HCN1: variants seen among roughly 807,000 people sequenced by gnomAD.
The protein encoded by HCN1 is potassium/sodium hyperpolarization-activated cyclic nucleotide-gated channel 1.
HCN1 carries 13 observed loss-of-function variants against 78.9 expected under a neutral mutation model. That is an observed-to-expected ratio of 0.16 (90% CI 0.11 to 0.26). HCN1 has a LOEUF of 0.26. Ranked by LOEUF, HCN1 falls within the 10% of genes least tolerant of loss-of-function variation. The pLI is 1.00. For synonymous variants in HCN1, 552 were observed against 455.5 expected (o/e 1.21, Z -2.70); for missense variants, 810 against 1,154.3 (o/e 0.70, Z 4.32).
chr5:45,598,063 T>C (rs908438671), intron 2 of HCN1, among the ~76,000 whole-genome samples: 12 of 152,044 alleles, frequency 7.9e-5, no homozygotes, highest in African/African-American at 2.9e-4. Context: ...GGAAAAAAAC[T>C]ACTTTAAAGC....
chr5:45,546,382 CA>C (rs1743227981), intron 2 of HCN1, among the ~76,000 whole-genome samples: 1 of 151,820 alleles, frequency 6.6e-6, no homozygotes, highest in African/African-American at 2.4e-5. Flanking sequence ...TTAAATGTTG[CA>C]AATGCTTTAT....
chr5:45,377,887 GA>G (rs990567302), intron 4 of HCN1, among the ~76,000 whole-genome samples: 6 of 151,922 alleles, frequency 3.9e-5, no homozygotes, highest in African/African-American at 1.4e-4. Context: ...CATAAGCCCT[GA>G]AAGTTATTTA....
rs372080697 is a variant in HCN1, at chr5:45,593,291, TTC to T, written c.849+51892_849+51893del. Among the ~76,000 whole-genome samples the T allele has an allele frequency of 4.8e-3, 599 of 124,422 alleles. 1 individual carries two copies. The highest frequency in any genetic ancestry group is 0.011 in the African/African-American group (323 of 30,558). The allele number at this position is 124,422 out of a possible 152,430, so 81.6% of individuals were successfully genotyped here. ...ATCCAGAGACAAAGGTAGAGGTATATTCTCTCTCTCTCTCTCTCTCTCTCTCT... is the reference window on the plus strand; with the variant it reads ...ATCCAGAGACAAAGGTAGAGGTATATTCTCTCTCTCTCTCTCTCTCTCTCT... On this transcript the variant is annotated intron_variant, in intron 2 of 7. Transcript: ENST00000303230.
chr5:45,535,973 C>A (rs1028062436), intron 2 of HCN1, among the ~76,000 whole-genome samples: 1 of 152,100 alleles, frequency 6.6e-6, no homozygotes, highest in Non-Finnish European at 1.5e-5. Context: ...TCTATGGATA[C>A]AGAATTCTGG....
At chr5:45,280,470 G>C (rs138585847) in intron 6 of HCN1, among the ~76,000 whole-genome samples, 71 of 152,206 alleles carry the variant, frequency 4.7e-4, no homozygotes, top group African/African-American at 1.7e-3. Flanking sequence ...TGACATTTTG[G>C]GCCAGATAAT....
intron 2 of HCN1, chr5:45,643,926 C>G (rs1745500654): frequency 6.6e-6 from 1 of 152,104 alleles, no homozygotes; most frequent in African/African-American, 2.4e-5. Context: ...AGAAAAATTA[C>G]AAGATGAATC....
chr5:45,527,458 T>G (rs534576569), intron 2 of HCN1, among the ~76,000 whole-genome samples: 86 of 151,294 alleles, frequency 5.7e-4, no homozygotes, highest in African/African-American at 1.9e-3. Context: ...AATTAAAAAG[T>G]CTATGAACTA....
chr5:45,623,539 T>C (rs1415038358), intron 2 of HCN1, among the ~76,000 whole-genome samples: 1 of 152,204 alleles, frequency 6.6e-6, no homozygotes, highest in Non-Finnish European at 1.5e-5. Context: ...CTATTATTTC[T>C]GCAGCTGGGT....
intron 5 of HCN1, among the ~76,000 whole-genome samples, chr5:45,323,549 AT>A (rs1746170019): frequency 6.6e-6 from 1 of 151,444 alleles, no homozygotes; most frequent in Admixed American, 6.6e-5. Flanking sequence ...ATAGAGTAAA[AT>A]TTTTCTTTTT....
intron 5 of HCN1, among the ~76,000 whole-genome samples, chr5:45,348,937 C>G (rs372052285): frequency 3.3e-5 from 5 of 152,166 alleles, no homozygotes; most frequent in African/African-American, 1.2e-4. Context: ...AACTTTAACA[C>G]CCCACTGTCA....
At chr5:45,380,140 T>A (rs997681410) in intron 4 of HCN1, among the ~76,000 whole-genome samples, 1 of 152,026 alleles carries the variant, frequency 6.6e-6, no homozygotes. Context: ...GGCTGGGAAG[T>A]CCACAATCAA....
At chr5:45,499,657 G>C (rs1035101067) in intron 2 of HCN1, among the ~76,000 whole-genome samples, 2 of 152,142 alleles carry the variant, frequency 1.3e-5, no homozygotes, top group African/African-American at 4.8e-5. Context: ...AGCAGAGAAA[G>C]CACTCAATAT....
intron 1 of HCN1, among the ~76,000 whole-genome samples, chr5:45,679,041 T>C (rs1292764148): frequency 1.3e-5 from 2 of 151,992 alleles, no homozygotes; most frequent in East Asian, 1.9e-4. Context: ...AAAATATGTA[T>C]AATTCCTAAA....
At chr5:45,317,179 A>T (rs539740574) in intron 5 of HCN1, among the ~76,000 whole-genome samples, 2 of 152,212 alleles carry the variant, frequency 1.3e-5, no homozygotes, top group Non-Finnish European at 2.9e-5. Context: ...CTACAAAGCT[A>T]CAGTAACCAA....
chr5:45,527,567 CTCTG>C (rs1047603175), intron 2 of HCN1, among the ~76,000 whole-genome samples: 9 of 151,690 alleles, frequency 5.9e-5, no homozygotes, highest in South Asian at 2.1e-4. Flanking sequence ...CTCTCTCTCT[CTCTG>C]TCTCTCTCCC....
At chr5:45,619,938 C>G (rs574971940) in intron 2 of HCN1, among the ~76,000 whole-genome samples, 1 of 152,080 alleles carries the variant, frequency 6.6e-6, no homozygotes, top group East Asian at 1.9e-4. Context: ...AGTATCTTTA[C>G]AGTGGAGAAA....
At chr5:45,327,600 G>A (rs915652516) in intron 5 of HCN1, among the ~76,000 whole-genome samples, 1 of 151,580 alleles carries the variant, frequency 6.6e-6, no homozygotes, top group Non-Finnish European at 1.5e-5. Context: ...GTTAGCATTT[G>A]TTATGGGTTG....
At chr5:45,433,012 G>T (rs1049005722) in intron 3 of HCN1, among the ~76,000 whole-genome samples, 4 of 151,970 alleles carry the variant, frequency 2.6e-5, no homozygotes, top group African/African-American at 9.7e-5. Context: ...TATCTCATGA[G>T]ACTTACGCAG....
intron 2 of HCN1, among the ~76,000 whole-genome samples, chr5:45,603,567 T>A (rs1230178183): frequency 6.6e-6 from 1 of 152,070 alleles, no homozygotes; most frequent in Non-Finnish European, 1.5e-5. Context: ...AAATGGACTC[T>A]AAACATAGCA....
Sources: allele counts gnomAD v4.1 joint callset (sites outside exome capture counted in the v4.1 genomes callset), GRCh38; gene constraint gnomAD v4.1.1; transcripts MANE v1.5; gene names NCBI Gene and HGNC (gene_info 2026-07-23, HGNC 2026-07-21).